Variants in RANBP10 observed in about 807,000 individuals in gnomAD.
RANBP10 encodes RAN binding protein 10.
In RANBP10, 24 loss-of-function variants were observed where a neutral mutation model predicts 72.8. The ratio of observed to expected loss-of-function variants is 0.33; its 90% confidence interval spans 0.24 to 0.46. The LOEUF (loss-of-function observed/expected upper bound fraction) is 0.46. Among genes scored for constraint, RANBP10 ranks in the 20% least tolerant of loss-of-function variants. The pLI is 1.00. For missense variants in RANBP10, 679 were observed against 817.5 expected (o/e 0.83, Z 2.07); for synonymous variants, 310 against 322.3 (o/e 0.96, Z 0.41).
intron 3 of RANBP10, among the ~76,000 whole-genome samples, chr16:67,766,148 C>T (rs1428276294): frequency 6.6e-6 from 1 of 152,216 alleles, no homozygotes; most frequent in Non-Finnish European, 1.5e-5. Context: ...TCTTGGAAAT[C>T]AGCAGCGGCT....
In RANBP10 at chr16:67,791,082, C is replaced by T. The variant is rs148381262; in HGVS notation, c.347+14346G>A. Among the ~76,000 whole-genome samples, 162 of 149,698 alleles carry T rather than the reference C, an allele frequency of 1.1e-3. 2 individuals are homozygous for T. The East Asian group carries it at 0.02, about 19-fold the overall frequency. On this transcript the variant is annotated intron_variant, in intron 2 of 13. Coordinates refer to ENST00000317506, the MANE Select transcript of RANBP10 (RefSeq NM_020850.3). ...AGGCTGGAGTGCATTGGCGCAATCT[C>T]GGCTCACTGCAACCTCTGCCTCCCG...
At chr16:67,740,558 G>T (rs1466697093) in intron 4 of RANBP10, among the ~76,000 whole-genome samples, 1 of 152,004 alleles carries the variant, frequency 6.6e-6, no homozygotes, top group Non-Finnish European at 1.5e-5. Flanking sequence ...TCTATTTTGG[G>T]TCTGACAACA....
intron 3 of RANBP10, among the ~76,000 whole-genome samples, chr16:67,758,699 C>A (rs763201520): frequency 2.0e-5 from 3 of 152,174 alleles, no homozygotes; most frequent in Non-Finnish European, 4.4e-5. Context: ...CCTCTGCTGT[C>A]GATGAAACCT....
chr16:67,728,028 G>A, intron 11 of RANBP10, 132 bp from the exon 12 acceptor site: 2 of 965,210 alleles, frequency 2.1e-6, no homozygotes, highest in Admixed American at 2.1e-5. Flanking sequence ...AGGAACAGGT[G>A]AGGCAGCTAC....
chr16:67,795,915 ATTTTTT>A (rs987432243), intron 2 of RANBP10, among the ~76,000 whole-genome samples: 7 of 134,230 alleles, frequency 5.2e-5, no homozygotes, highest in Non-Finnish European at 1.1e-4. Context: ...AAATATTTTG[ATTTTTT>A]TTTTTTTTTT....
At chr16:67,769,787 C>A (rs2054576929) in intron 3 of RANBP10, among the ~76,000 whole-genome samples, 1 of 143,230 alleles carries the variant, frequency 7.0e-6, no homozygotes, top group African/African-American at 2.6e-5. Context: ...GAGTCCTTAC[C>A]AGGCAGGCTG....
At chr16:67,788,613 A>C (rs2054962512) in intron 2 of RANBP10, among the ~76,000 whole-genome samples, 1 of 151,546 alleles carries the variant, frequency 6.6e-6, no homozygotes, top group Admixed American at 6.6e-5. Context: ...GATGGTCTTG[A>C]TCTCCTGACC....
intron 12 of RANBP10, 27 bp from the exon 13 acceptor site, chr16:67,727,465 A>G: frequency 6.3e-7 from 1 of 1,585,432 alleles, no homozygotes; most frequent in East Asian, 2.3e-5. Flanking sequence ...TCTTGAGAGG[A>G]CTGTGGCACA....
At chr16:67,758,683 A>T (rs573881286) in intron 3 of RANBP10, among the ~76,000 whole-genome samples, 68 of 152,342 alleles carry the variant, frequency 4.5e-4, no homozygotes, top group Non-Finnish European at 7.9e-4. Flanking sequence ...AGGTTTCAGA[A>T]CTGGCCCTCT....
In RANBP10 at chr16:67,725,239, G is replaced by C. The variant is rs2053578275; in HGVS notation, c.*1189C>G. ...CAGTGGCAGTGAAGTCTGGCCTAGG[G>C]GACCAAGGATTCCATCCACTCCCTG... On this transcript the variant is annotated 3_prime_UTR_variant, in exon 14 of 14. Coordinates refer to ENST00000317506, the MANE Select transcript of RANBP10 (RefSeq NM_020850.3). 6.6e-6 allele frequency: 1 copy of C among 152,504 alleles called. No homozygotes were observed. 9.4% of individuals were successfully genotyped at this position (152,504 alleles called of 1,614,324 possible).
intron 2 of RANBP10, among the ~76,000 whole-genome samples, chr16:67,776,461 C>CAAA (rs149876935): frequency 2.4e-3 from 92 of 37,884 alleles, no homozygotes; most frequent in Non-Finnish European, 2.7e-3. Context: ...GACTCCATCT[C>CAAA]AAAAAAAAAA....
At chr16:67,745,790 TG>T (rs1174458207) in intron 3 of RANBP10, among the ~76,000 whole-genome samples, 20 of 151,174 alleles carry the variant, frequency 1.3e-4, no homozygotes, top group Non-Finnish European at 1.5e-5. Context: ...GAGGCTAAGG[TG>T]GGAGGATCAC....
chr16:67,804,147 G>A (rs2055288113), intron 2 of RANBP10, among the ~76,000 whole-genome samples: 2 of 152,080 alleles, frequency 1.3e-5, no homozygotes, highest in Admixed American at 6.6e-5. Flanking sequence ...CTGAATGTTC[G>A]AGAACACACC....
intron 4 of RANBP10, among the ~76,000 whole-genome samples, chr16:67,742,964 G>C (rs1255559975): frequency 6.6e-6 from 1 of 152,180 alleles, no homozygotes; most frequent in Non-Finnish European, 1.5e-5. Context: ...TTCAGAGGAG[G>C]GTTTCTCTGA....
intron 13 of RANBP10, 82 bp downstream of exon 13, chr16:67,727,245 G>A: frequency 3.7e-6 from 5 of 1,342,276 alleles, no homozygotes; most frequent in Non-Finnish European, 5.1e-6. Flanking sequence ...ATTGCTGTGA[G>A]CCAAGATTGT....
chr16:67,792,582 G>A (rs992434027), intron 2 of RANBP10, among the ~76,000 whole-genome samples: 2 of 148,988 alleles, frequency 1.3e-5, no homozygotes, highest in African/African-American at 2.5e-5. Context: ...AAAAGAAATC[G>A]AAACCATCCT....
In RANBP10 at chr16:67,734,765, A is replaced by G; in HGVS notation, c.776+93T>C. 12 of 1,272,430 alleles carry G rather than the reference A, an allele frequency of 9.4e-6. No individual in the cohort carries two copies. The South Asian group carries it at 1.3e-4, about 14-fold the overall frequency. 78.8% of individuals were successfully genotyped at this position (1,272,430 alleles called of 1,614,324 possible). ...TCCCAGAAAGGATCCACCCGCTGGA[A>G]TTTGTAAGAACAGCTTGTAGCCCTA... On this transcript the variant is annotated intron_variant, in intron 6 of 13. Coordinates refer to ENST00000317506, the MANE Select transcript of RANBP10 (RefSeq NM_020850.3).
At chr16:67,745,976 G>A (rs2054067981) in intron 3 of RANBP10, among the ~76,000 whole-genome samples, 1 of 151,972 alleles carries the variant, frequency 6.6e-6, no homozygotes, top group South Asian at 2.1e-4. Flanking sequence ...GACCAACATG[G>A]AGAAATCCCG....
At chr16:67,770,565 A>G (rs1390402817) in intron 3 of RANBP10, among the ~76,000 whole-genome samples, 1 of 152,174 alleles carries the variant, frequency 6.6e-6, no homozygotes, top group East Asian at 1.9e-4. Flanking sequence ...GAGGCCAAGA[A>G]AAAAACACAA....
Sources: allele counts gnomAD v4.1 joint callset (sites outside exome capture counted in the v4.1 genomes callset), GRCh38; gene constraint gnomAD v4.1.1; transcripts MANE v1.5; gene names NCBI Gene and HGNC (gene_info 2026-07-23, HGNC 2026-07-21).